The following GLI3 variants were observed in gnomAD, a reference collection of about 807,000 sequenced individuals.
The protein encoded by GLI3 is transcription activator GLI3.
GLI3 carries 20 observed loss-of-function variants against 100.8 expected under a neutral mutation model. The ratio of observed to expected loss-of-function variants is 0.20; its 90% confidence interval spans 0.14 to 0.29. The LOEUF (loss-of-function observed/expected upper bound fraction) is 0.29. GLI3 is among the 10% of genes least tolerant of loss of function. The pLI, the probability that GLI3 is intolerant of heterozygous loss-of-function variation, is 1.00. For synonymous variants in GLI3, 938 were observed against 860.5 expected, an observed-to-expected ratio of 1.09 and a Z score of -1.58; for missense variants, 2,040 against 2,128.5, an observed-to-expected ratio of 0.96 and a Z score of 0.82.
intron 10 of GLI3, among the ~76,000 whole-genome samples, chr7:41,984,352 C>T (rs1250831933): frequency 6.6e-6 from 1 of 152,138 alleles, no homozygotes; most frequent in Non-Finnish European, 1.5e-5. Context: ...CAAATAAAGC[C>T]GCCGTTCACG....
chr7:42,204,722 C>G (rs991845231), intron 2 of GLI3, among the ~76,000 whole-genome samples: 1 of 152,170 alleles, frequency 6.6e-6, no homozygotes, highest in Non-Finnish European at 1.5e-5. Flanking sequence ...TCCCCAACCT[C>G]TTTCTGAGCT....
intron 10 of GLI3, among the ~76,000 whole-genome samples, chr7:41,985,914 C>T (rs1476283534): frequency 2.0e-5 from 3 of 152,136 alleles, no homozygotes; most frequent in Non-Finnish European, 4.4e-5. Flanking sequence ...TTTGGTGGCA[C>T]CCATCAATCT....
intron 3 of GLI3, among the ~76,000 whole-genome samples, chr7:42,106,381 C>T (rs1044204469): frequency 6.6e-6 from 1 of 152,216 alleles, no homozygotes; most frequent in Non-Finnish European, 1.5e-5. Flanking sequence ...ATCTAGGCTG[C>T]AAGGTGCTCC....
intron 2 of GLI3, among the ~76,000 whole-genome samples, chr7:42,203,622 G>T (rs1224195851): frequency 6.6e-6 from 1 of 152,124 alleles, no homozygotes; most frequent in Non-Finnish European, 1.5e-5. Flanking sequence ...TTCTCCATTT[G>T]CCCATGGACA....
intron 13 of GLI3, among the ~76,000 whole-genome samples, chr7:41,968,739 A>AGAAAGAAAGAAAGAAGGAAG (rs1787274695): frequency 7.5e-6 from 1 of 133,088 alleles, no homozygotes; most frequent in Admixed American, 7.2e-5. Flanking sequence ...AAAGAAAGAA[A>AGAAAGAAAGAAAGAAGGAAG]GAAAGAAAGA....
At chr7:42,241,427 A>AGCCT (rs2128708957), upstream of GLI3, among the ~76,000 whole-genome samples, 1 of 152,254 alleles carries the variant, frequency 6.6e-6, no homozygotes, top group Admixed American at 6.5e-5. Flanking sequence ...TTTGCCAGCC[A>AGCCT]GCCTGCATGT....
At chr7:42,262,197 T>TTCCTTCCTTCCTTCCTTCCTTCCTTAC (rs1761173028) in intron 1 of GLI3, among the ~76,000 whole-genome samples, 2 of 33,554 alleles carry the variant, frequency 6.0e-5, no homozygotes, top group Non-Finnish European at 7.8e-5. Flanking sequence ...TTTTATTTTT[T>TTCCTTCCTTCCTTCCTTCCTTCCTTAC]TTCCTTCCTT....
intron 4 of GLI3, among the ~76,000 whole-genome samples, chr7:42,071,044 T>C (rs2128750231): frequency 6.6e-6 from 1 of 152,252 alleles, no homozygotes; most frequent in East Asian, 1.9e-4. Flanking sequence ...AAAAGAAAAA[T>C]GATGGTCATA....
intron 3 of GLI3, among the ~76,000 whole-genome samples, chr7:42,111,030 C>T (rs939603041): frequency 2.0e-5 from 3 of 152,354 alleles, no homozygotes. Flanking sequence ...GGCTATTCAT[C>T]TTCTGTAAGC....
At chr7:42,058,673 C>A (rs1244192646) in intron 4 of GLI3, among the ~76,000 whole-genome samples, 1 of 152,104 alleles carries the variant, frequency 6.6e-6, no homozygotes, top group Admixed American at 6.6e-5. Flanking sequence ...TACCGCTAAG[C>A]CAATCAAAGG....
chr7:42,022,497 AAAAG>A (rs901843459), intron 10 of GLI3, among the ~76,000 whole-genome samples: 7 of 152,198 alleles, frequency 4.6e-5, no homozygotes, highest in African/African-American at 1.4e-4. Context: ...GAGAAAGAGA[AAAAG>A]AGAGAGAGCA....
At chr7:42,025,032 G>A (rs1789068692) in intron 9 of GLI3, among the ~76,000 whole-genome samples, 1 of 152,174 alleles carries the variant, frequency 6.6e-6, no homozygotes, top group Non-Finnish European at 1.5e-5. Flanking sequence ...AAGAAGGTAT[G>A]TCCCGCATGG....
intron 7 of GLI3, among the ~76,000 whole-genome samples, chr7:42,034,938 C>T (rs1008554564): frequency 2.2e-4 from 33 of 152,048 alleles, no homozygotes; most frequent in Non-Finnish European, 4.7e-4. Context: ...AGCCCCCATT[C>T]CCCCAGTACA....
chr7:42,000,299 G>A (rs1224774835), intron 10 of GLI3, among the ~76,000 whole-genome samples: 1 of 152,174 alleles, frequency 6.6e-6, no homozygotes, highest in South Asian at 2.1e-4. Flanking sequence ...TAAACTTTAC[G>A]ACTTGCTGGT....
chr7:41,965,536 A>G lies in GLI3; in HGVS notation c.3537T>C (p.Cys1179=). ...TCTGCGGCACAGCGGGCCGCGGCCCACACTTGAGCTTGGAGGAGGACAGGT... is the reference window on the plus strand; with the variant it reads ...TCTGCGGCACAGCGGGCCGCGGCCCGCACTTGAGCTTGGAGGAGGACAGGT... ...SADLSSSKLK[C]GPRPAVPQTR... Residue 1179 remains cysteine (C), a synonymous_variant, in exon 15 of 15, where the codon TGT becomes TGC. Transcript: ENST00000395925. The G allele has an allele frequency of 1.2e-6, 2 of 1,605,680 alleles. No homozygotes were observed. The highest frequency in any genetic ancestry group is 1.7e-6 in the Non-Finnish European group (2 of 1,173,358).
chr7:42,019,342 C>A (rs974215781), intron 10 of GLI3, among the ~76,000 whole-genome samples: 1 of 152,186 alleles, frequency 6.6e-6, no homozygotes, highest in Non-Finnish European at 1.5e-5. Context: ...CTGAGACTAA[C>A]GTGTGCTGCA....
intron 5 of GLI3, 91 bp from the exon 6 acceptor site, chr7:42,045,621 A>T (rs942921528): frequency 9.9e-5 from 114 of 1,152,346 alleles, no homozygotes; most frequent in East Asian, 6.8e-4. Context: ...TACACAACCC[A>T]CATCAGCAAT....
At chr7:42,038,024 A>T (rs1562697426) in intron 7 of GLI3, among the ~76,000 whole-genome samples, 1 of 152,246 alleles carries the variant, frequency 6.6e-6, no homozygotes, top group Non-Finnish European at 1.5e-5. Context: ...AAAGAGAAAC[A>T]AGAGAAGTGA....
intron 3 of GLI3, among the ~76,000 whole-genome samples, chr7:42,138,721 C>G (rs374083059): frequency 6.6e-6 from 1 of 152,220 alleles, no homozygotes; most frequent in Non-Finnish European, 1.5e-5. Context: ...GCATCCCCCA[C>G]GTGCACTTCT....
Sources: gnomAD v4.1 joint callset for allele counts (sites outside exome capture counted in the v4.1 genomes callset) on GRCh38, gnomAD v4.1.1 for gene constraint, MANE v1.5 for transcripts, NCBI Gene and HGNC (gene_info 2026-07-23, HGNC 2026-07-21) for gene names.